Variants in PRKAR1A observed in about 807,000 individuals in gnomAD.
PRKAR1A encodes the protein protein kinase cAMP-dependent type I regulatory subunit alpha.
A neutral mutation model predicts 52.0 loss-of-function variants in PRKAR1A; 3 were observed. The observed-to-expected ratio is 0.06, with a 90% CI of 0.03 to 0.15. The LOEUF (loss-of-function observed/expected upper bound fraction) is 0.15. Among genes scored for constraint, PRKAR1A ranks in the 10% least tolerant of loss-of-function variants. The probability of loss-of-function intolerance (pLI) is 1.00; values close to 1 mark genes in which losing one functional copy is unlikely to be tolerated. For synonymous variants in PRKAR1A, 188 were observed against 168.4 expected (o/e 1.12, Z -0.90); for missense variants, 240 against 477.4 (o/e 0.50, Z 4.63).
the PRKAR1A span, among the ~76,000 whole-genome samples, chr17:68,465,625 A>ATTTTTTTTTTTTTTTTTTTTTT: frequency 1.0e-4 from 7 of 67,190 alleles, 1 homozygote; most frequent in Admixed American, 1.9e-4. Context: ...ACGCCCAGCA[A>ATTTTTTTTTTTTTTTTTTTTTT]TTTTTTTTTT....
the PRKAR1A span, among the ~76,000 whole-genome samples, chr17:68,435,961 T>C: frequency 6.6e-6 from 1 of 152,254 alleles, no homozygotes; most frequent in Admixed American, 6.5e-5. Context: ...GAGCACCTGA[T>C]GCAGTGTGAT....
the PRKAR1A span, among the ~76,000 whole-genome samples, chr17:68,490,707 G>C: frequency 9.7e-4 from 147 of 152,168 alleles, no homozygotes; most frequent in African/African-American, 3.3e-3. Flanking sequence ...AGAGAATAGA[G>C]GAGAAAAAGG....
At chr17:68,432,599 G>A in the PRKAR1A span, among the ~76,000 whole-genome samples, 2 of 151,892 alleles carry the variant, frequency 1.3e-5, no homozygotes, top group Admixed American at 6.6e-5. Flanking sequence ...ATGTATCAGC[G>A]TGATAAGGTG....
chr17:68,530,453 C>CT lies in PRKAR1A; in HGVS notation c.*5dup. On this transcript the variant is annotated 3_prime_UTR_variant, in exon 11 of 11. Coordinates refer to ENST00000589228, the MANE Select transcript of PRKAR1A (RefSeq NM_002734.5). ...TTTTGTGTCACTGTCTGTCTGAAATCTGCCTCCTGTGCCTCCCTTTTCTCC... is the reference window on the plus strand; with the variant it reads ...TTTTGTGTCACTGTCTGTCTGAAATCTTGCCTCCTGTGCCTCCCTTTTCTCC... 1.2e-6 allele frequency: 2 copies of CT among 1,614,068 alleles called. No individual in the cohort carries two copies. Among genetic ancestry groups the CT allele is most frequent in the Non-Finnish European group, 8.5e-7 (1 of 1,179,942 alleles).
At chr17:68,515,335 G>T in intron 1 of PRKAR1A, 59 bp from the exon 2 acceptor site, 1 of 1,588,754 alleles carries the variant, frequency 6.3e-7, no homozygotes, top group Admixed American at 1.7e-5. Flanking sequence ...CAAGTTAAAT[G>T]CCAGATTGAC....
At chr17:68,482,877 G>A in the PRKAR1A span, among the ~76,000 whole-genome samples, 1 of 152,194 alleles carries the variant, frequency 6.6e-6, no homozygotes, top group Admixed American at 6.5e-5. Flanking sequence ...AGCAAGCTAT[G>A]AGTTTTCCAG....
At chr17:68,517,223 A>C (rs2085462083) in intron 2 of PRKAR1A, among the ~76,000 whole-genome samples, 1 of 152,214 alleles carries the variant, frequency 6.6e-6, no homozygotes, top group Non-Finnish European at 1.5e-5. Flanking sequence ...GTTCACATGT[A>C]TACATTCCTT....
the PRKAR1A span, among the ~76,000 whole-genome samples, chr17:68,443,743 A>G: frequency 0.11 from 16,531 of 152,252 alleles, 985 homozygotes; most frequent in South Asian, 0.23. Flanking sequence ...ACTGAAATAT[A>G]ATAGAAGCAG....
downstream of PRKAR1A, chr17:68,536,300 G>A: frequency 2.2e-6 from 1 of 454,086 alleles, no homozygotes; most frequent in South Asian, 1.6e-5. Flanking sequence ...GATGAAATGA[G>A]GCATTTTTAC....
chr17:68,420,161 G>A, the PRKAR1A span: 32 of 1,610,330 alleles, frequency 2.0e-5, no homozygotes, highest in Admixed American at 1.2e-4. Flanking sequence ...CAGGGTTAGC[G>A]AGGCATTTGT....
the PRKAR1A span, among the ~76,000 whole-genome samples, chr17:68,415,846 T>C: frequency 1.3e-5 from 2 of 152,192 alleles, no homozygotes; most frequent in African/African-American, 4.8e-5. Context: ...CCTGCTTACT[T>C]TTGGTGTTCA....
chr17:68,550,627 C>T (rs912358192), intron 11 of PRKAR1A, among the ~76,000 whole-genome samples: 1 of 152,062 alleles, frequency 6.6e-6, no homozygotes, highest in African/African-American at 2.4e-5. Flanking sequence ...GTGATCCACC[C>T]GCCTTGGCCT....
chr17:68,522,749 C>A lies in PRKAR1A; in HGVS notation c.178-7C>A, dbSNP rs778941192. The A allele has an allele frequency of 1.9e-6, 3 of 1,614,026 alleles. No homozygotes were observed. In the East Asian group the frequency reaches 6.7e-5, roughly 36 times the overall value. ...ATCTCATTTTGCAAACTCGTAATTT[C>A]TTTCAGGAGGAGGCAAAACAGATTC... On this transcript the variant is annotated splice_polypyrimidine_tract_variant and splice_region_variant and intron_variant, in intron 2 of 10. Transcript: ENST00000589228.
At chr17:68,423,483 A>G in the PRKAR1A span, among the ~76,000 whole-genome samples, 1 of 152,182 alleles carries the variant, frequency 6.6e-6, no homozygotes, top group East Asian at 1.9e-4. This position sits in a 1 kb window ranked among gnomAD's most constrained non-coding sequence, Gnocchi z 4.4. Context: ...CCCTGCACAC[A>G]GGGGCTGCTT....
chr17:68,536,145 G>A (rs997160180), downstream of PRKAR1A: 2 of 453,990 alleles, frequency 4.4e-6, no homozygotes, highest in African/African-American at 2.0e-5. Context: ...AGTGTTATTT[G>A]TCCAGTCGAG....
chr17:68,541,253 C>A, intron 11 of PRKAR1A: 1 of 414,198 alleles, frequency 2.4e-6, no homozygotes, highest in East Asian at 5.4e-5. Context: ...GTGACCCTCA[C>A]CTGCTTCCTC....
the PRKAR1A span, among the ~76,000 whole-genome samples, chr17:68,485,607 A>G: frequency 1.3e-5 from 2 of 152,204 alleles, no homozygotes; most frequent in African/African-American, 4.8e-5. Flanking sequence ...TTACATCCAA[A>G]GCTTTTGGAG....
At chr17:68,549,504 AAAAAAG>A (rs1235689867) in intron 11 of PRKAR1A, among the ~76,000 whole-genome samples, 2 of 152,110 alleles carry the variant, frequency 1.3e-5, no homozygotes, top group African/African-American at 2.4e-5. Context: ...CAAAAAAAAA[AAAAAAG>A]TTAGAGACAT....
rs760033566 is a variant in PRKAR1A at position 68,530,328 on chromosome 17, G to A, written c.1025G>A (p.Arg342His). ...CCTCGTGCTGCCACAGTTGTTGCTC[G>A]TGGCCCCTTGAAGTGCGTTAAGCTG... ...NRPRAATVVA[R>H]GPLKCVKLDR... Residue 342 changes from arginine (R) to histidine (H), a missense_variant, in exon 11 of 11, where the codon CGT (arginine) becomes CAT (histidine). Physicochemically the swap from Arg to His is conservative, Grantham distance 29. Around this residue, in one of 4 missense-constraint regions of PRKAR1A, gnomAD observed 26 missense variants for 53.6 expected, o/e 0.48. Coordinates refer to ENST00000589228, the MANE Select transcript of PRKAR1A (RefSeq NM_002734.5). 20 of 1,613,952 alleles carry A rather than the reference G, an allele frequency of 1.2e-5. No individual in the cohort carries two copies. Among genetic ancestry groups the A allele is most frequent in the South Asian group, 7.7e-5 (7 of 91,082 alleles).
Sources: allele counts gnomAD v4.1 joint callset (sites outside exome capture counted in the v4.1 genomes callset), GRCh38; gene constraint gnomAD v4.1.1; regional missense constraint gnomAD v4.1.1; non-coding constraint Gnocchi (gnomAD v3.1); transcripts MANE v1.5; gene names NCBI Gene and HGNC (gene_info 2026-07-23, HGNC 2026-07-21).